Variants in CNIH3 observed in about 807,000 individuals in gnomAD.
The protein encoded by CNIH3 is protein cornichon homolog 3.
Under a neutral mutation model 24.1 loss-of-function variants are expected in CNIH3, and 14 were observed. The ratio of observed to expected loss-of-function variants is 0.58; its 90% CI spans 0.38 to 0.91. The LOEUF (loss-of-function observed/expected upper bound fraction) is 0.91. Among genes scored for constraint, CNIH3 ranks in the 40% least tolerant of loss-of-function variants. The pLI is 0.00. For synonymous variants in CNIH3, 68 were observed against 73.8 expected, an observed-to-expected ratio of 0.92 and a Z score of 0.40; for missense variants, 178 against 196.8, an observed-to-expected ratio of 0.90 and a Z score of 0.57.
At chr1:224,667,403 A>G (rs1041102178) in intron 1 of CNIH3, among the ~76,000 whole-genome samples, 1 of 152,212 alleles carries the variant, frequency 6.6e-6, no homozygotes, top group African/African-American at 2.4e-5. Flanking sequence ...GGTGTTTAAA[A>G]TGTCTAAAAT....
At chr1:224,624,451 C>G (rs1038672743) in intron 1 of CNIH3, among the ~76,000 whole-genome samples, 1 of 152,172 alleles carries the variant, frequency 6.6e-6, no homozygotes, top group Non-Finnish European at 1.5e-5. Context: ...GGATCCCAGC[C>G]GAGCTTGTCT....
At chr1:224,461,262 C>T (rs555566387) in intron 1 of CNIH3, among the ~76,000 whole-genome samples, 90 of 152,216 alleles carry the variant, frequency 5.9e-4, no homozygotes, top group African/African-American at 2.1e-3. Context: ...CTTTGCCTCC[C>T]AAAGTGCTTG....
intron 1 of CNIH3, among the ~76,000 whole-genome samples, chr1:224,507,715 T>C (rs1677976554): frequency 6.6e-6 from 1 of 152,248 alleles, no homozygotes; most frequent in Non-Finnish European, 1.5e-5. Flanking sequence ...GGATTCTTGC[T>C]GAACTGCAGA....
At chr1:224,735,848 T>A (rs1435279368) in intron 5 of CNIH3, among the ~76,000 whole-genome samples, 1 of 151,758 alleles carries the variant, frequency 6.6e-6, no homozygotes, top group Non-Finnish European at 1.5e-5. Flanking sequence ...AAATTTTTTG[T>A]AGAGATGGGG....
intron 1 of CNIH3, among the ~76,000 whole-genome samples, chr1:224,494,882 T>C (rs776004468): frequency 2.0e-5 from 3 of 152,208 alleles, no homozygotes; most frequent in Non-Finnish European, 4.4e-5. Context: ...CAGATGTTTT[T>C]GGAGGGTTGT....
At chr1:224,582,692 C>G (rs1681328936) in intron 4 of CNIH3, among the ~76,000 whole-genome samples, 1 of 152,132 alleles carries the variant, frequency 6.6e-6, no homozygotes, top group Non-Finnish European at 1.5e-5. Context: ...ATTCAGGAAT[C>G]AGAAGGTGTT....
intron 3 of CNIH3, among the ~76,000 whole-genome samples, chr1:224,697,247 A>AC (rs1382031698): frequency 6.6e-6 from 1 of 152,172 alleles, no homozygotes; most frequent in Non-Finnish European, 1.5e-5. Flanking sequence ...CTAGTTTGCA[A>AC]CCTTGGCTGT....
At position 224,597,303 on chromosome 1, in the gene CNIH3, G is replaced by T. The variant is rs183767565; in HGVS notation, n.402+31039G>T. 7.2e-5 allele frequency among the ~76,000 whole-genome samples: 11 copies of T among 152,264 alleles called. No homozygotes were observed. The East Asian group carries it at 2.1e-3, about 29-fold the overall frequency. On this transcript the variant is annotated intron_variant and non_coding_transcript_variant, in intron 3 of 7. Transcript: ENST00000478120. ...CCCCAACCTTTCTGTCTTCGAGCTG[G>T]CCATGAAGGAATTCTCTGATCTACC...
rs762917073 is a variant in CNIH3 at position 224,503,923 on chromosome 1, C to T, written n.204-11818C>T. Among the ~76,000 whole-genome samples, 26 of 152,344 alleles carry T rather than the reference C, an allele frequency of 1.7e-4. 1 individual carries two copies. The highest frequency in any genetic ancestry group is 1.4e-3 in the East Asian group (7 of 5,182). Reference sequence around the variant, plus strand: ...GGAGGGAGGGGTGCCGGGACAGAGACGCCCTCAGGCCTGGGAAGGCAAACT... The same window carrying T: ...GGAGGGAGGGGTGCCGGGACAGAGATGCCCTCAGGCCTGGGAAGGCAAACT... On this transcript the variant is annotated intron_variant and non_coding_transcript_variant, in intron 1 of 5. Coordinates refer to the CNIH3 transcript ENST00000471578.
intron 1 of CNIH3, among the ~76,000 whole-genome samples, chr1:224,519,958 G>T (rs1388956458): frequency 6.6e-6 from 1 of 152,172 alleles, no homozygotes; most frequent in Non-Finnish European, 1.5e-5. Context: ...GTGCAGAATA[G>T]AATATTTCCA....
At chr1:224,681,767 A>C (rs1386030514) in intron 2 of CNIH3, among the ~76,000 whole-genome samples, 1 of 152,184 alleles carries the variant, frequency 6.6e-6, no homozygotes, top group Non-Finnish European at 1.5e-5. Context: ...CCGGAGCCAG[A>C]GACCAACCCT....
At chr1:224,439,191 C>T (rs1463601124) in intron 1 of CNIH3, among the ~76,000 whole-genome samples, 2 of 152,212 alleles carry the variant, frequency 1.3e-5, no homozygotes, top group Non-Finnish European at 2.9e-5. Flanking sequence ...TCCCCTTCTG[C>T]AAACATTCCA....
intron 3 of CNIH3, among the ~76,000 whole-genome samples, chr1:224,725,489 A>T (rs561318348): frequency 6.6e-6 from 1 of 152,336 alleles, no homozygotes; most frequent in South Asian, 2.1e-4. Flanking sequence ...ACAGCTGTAA[A>T]GCTTGTTGTC....
At chr1:224,471,187 C>T (rs185289776) in intron 1 of CNIH3, among the ~76,000 whole-genome samples, 139 of 152,094 alleles carry the variant, frequency 9.1e-4, no homozygotes, top group African/African-American at 2.7e-3. Context: ...TATAGGCATA[C>T]GCCACCACAT....
At chr1:224,475,304 C>T (rs1448914027) in intron 1 of CNIH3, among the ~76,000 whole-genome samples, 6 of 147,984 alleles carry the variant, frequency 4.1e-5, no homozygotes, top group South Asian at 2.1e-4. Flanking sequence ...TGCAGTGAAC[C>T]GAGATTGCGC....
intron 3 of CNIH3, among the ~76,000 whole-genome samples, chr1:224,706,018 C>A (rs1045808510): frequency 2.0e-5 from 3 of 152,050 alleles, no homozygotes; most frequent in Non-Finnish European, 2.9e-5. Flanking sequence ...ACTTACTAGG[C>A]AGCACTGCAT....
chr1:224,545,064 G>A (rs1679652783), intron 2 of CNIH3, among the ~76,000 whole-genome samples: 1 of 152,214 alleles, frequency 6.6e-6, no homozygotes, highest in African/African-American at 2.4e-5. Context: ...AGATCACGCT[G>A]AGCTCACTCT....
intron 2 of CNIH3, among the ~76,000 whole-genome samples, chr1:224,523,150 G>A (rs755334645): frequency 6.6e-6 from 1 of 152,006 alleles, no homozygotes; most frequent in Non-Finnish European, 1.5e-5. Flanking sequence ...GAGGCAGAAG[G>A]ATCGCTTGAG....
At chr1:224,497,509 A>G (rs528573229) in intron 1 of CNIH3, among the ~76,000 whole-genome samples, 1 of 152,352 alleles carries the variant, frequency 6.6e-6, no homozygotes, top group South Asian at 2.1e-4. Flanking sequence ...TTCACTGTTC[A>G]TCTGTAGAAT....
Sources: allele counts gnomAD v4.1 joint callset (sites outside exome capture counted in the v4.1 genomes callset), GRCh38; gene constraint gnomAD v4.1.1; transcripts MANE v1.5; gene names NCBI Gene and HGNC (gene_info 2026-07-23, HGNC 2026-07-21).